The following SNX13 variants were observed in gnomAD, a reference collection of about 807,000 sequenced individuals.
The protein encoded by SNX13 is sorting nexin-13.
In SNX13, 45 loss-of-function variants were observed where a neutral mutation model predicts 133.6. The ratio of observed to expected loss-of-function variants is 0.34; its 90% CI spans 0.27 to 0.43. SNX13 has a LOEUF of 0.43. Among genes scored for constraint, SNX13 ranks in the 20% least tolerant of loss-of-function variants. SNX13 has a pLI of 1.00. For missense variants in SNX13, 1,032 were observed against 1,145.1 expected (o/e 0.90, Z 1.43); for synonymous variants, 414 against 373.9 (o/e 1.11, Z -1.24).
chr7:17,927,881 A>C (rs776840098), intron 1 of SNX13, among the ~76,000 whole-genome samples: 54 of 152,198 alleles, frequency 3.5e-4, no homozygotes, highest in Non-Finnish European at 6.0e-4. Flanking sequence ...TTCCACTCAC[A>C]AAGTGTTCCT....
At chr7:17,905,084 C>T (rs1798249432) in intron 1 of SNX13, among the ~76,000 whole-genome samples, 1 of 152,166 alleles carries the variant, frequency 6.6e-6, no homozygotes, top group Admixed American at 6.5e-5. Flanking sequence ...TCCTCAGTCT[C>T]ACCTGATGGC....
intron 15 of SNX13, chr7:17,830,249 T>G (rs1167747425): frequency 2.0e-6 from 2 of 982,848 alleles, no homozygotes; most frequent in East Asian, 2.3e-4. Context: ...GGCATTTAAG[T>G]GACAATATAG....
Position 17,816,161 on chromosome 7 carries a change from TTATAG to T in SNX13, c.1953+16_1953+20del. 2 of 1,514,736 alleles carry T rather than the reference TTATAG, an allele frequency of 1.3e-6. No homozygotes were observed. The highest frequency in any genetic ancestry group is 1.8e-6 in the Non-Finnish European group (2 of 1,130,482). The allele number at this position is 1,514,736 out of a possible 1,614,324, so 93.8% of individuals were successfully genotyped here. The stretch of plus-strand genomic sequence containing the variant: ...GCTATATTAAATGAAAATCTGTGGA[TTATAG>T]TAAACATGAGCTTACCTGCAAATAT... On this transcript the variant is annotated intron_variant, in intron 19 of 25. Transcript: ENST00000428135.
At chr7:17,868,583 A>G (rs1267822369) in intron 8 of SNX13, 93 bp from the exon 9 acceptor site, 3 of 956,838 alleles carry the variant, frequency 3.1e-6, no homozygotes, top group Non-Finnish European at 3.1e-6. Flanking sequence ...GTTACTTAAG[A>G]AAAGTATGAT....
rs1228909976 is a variant in SNX13 at position 17,897,426 on chromosome 7, T to A, written c.33A>T (p.Gly11=). 3.1e-6 allele frequency: 5 copies of A among 1,600,626 alleles called. No homozygotes were observed. Among genetic ancestry groups the A allele is most frequent in the Non-Finnish European group, 3.4e-6 (4 of 1,172,356 alleles). MLTEASLSIW[G]WGSLGIVLFL... The stretch of plus-strand genomic sequence containing the variant: ...AAAGGACAATGCCAAGGCTTCCCCA[T>A]CCCCATATGGATAGACTGGCCTGAA... Residue 11 remains glycine (G), a synonymous_variant, in exon 2 of 26, where the codon GGA becomes GGT. Transcript: ENST00000428135.
intron 1 of SNX13, among the ~76,000 whole-genome samples, chr7:17,915,792 T>C (rs974941153): frequency 6.6e-6 from 1 of 152,216 alleles, no homozygotes; most frequent in Non-Finnish European, 1.5e-5. Context: ...AATTTGACAC[T>C]TGACCAATTG....
At chr7:17,920,261 G>C (rs1007132215) in intron 1 of SNX13, among the ~76,000 whole-genome samples, 1 of 152,148 alleles carries the variant, frequency 6.6e-6, no homozygotes, top group African/African-American at 2.4e-5. Context: ...ATAATTATGT[G>C]AAAGTCTTGT....
At position 17,810,074 on chromosome 7, in the gene SNX13, G is replaced by A. The variant is rs941546898; in HGVS notation, c.2064+4760C>T. On this transcript the variant is annotated intron_variant, in intron 20 of 25. Coordinates refer to ENST00000428135, the MANE Select transcript of SNX13 (RefSeq NM_015132.5). The stretch of plus-strand genomic sequence containing the variant: ...AATTAAAAAAACTAGAGAAGCAAGA[G>A]CAAACAAATTCAAAAGCTAGCAGAA... Among the ~76,000 whole-genome samples, 13 of 152,090 alleles carry A rather than the reference G, an allele frequency of 8.5e-5. No homozygotes were observed. The East Asian group carries it at 2.3e-3, about 27-fold the overall frequency.
chr7:17,814,328 T>TA (rs948063097), intron 20 of SNX13, among the ~76,000 whole-genome samples: 26 of 152,154 alleles, frequency 1.7e-4, no homozygotes, highest in Admixed American at 1.7e-3. Context: ...CTTGTGTTCT[T>TA]ACCCACTAAG....
At chr7:17,918,370 CA>C (rs1199119233) in intron 1 of SNX13, among the ~76,000 whole-genome samples, 1 of 151,320 alleles carries the variant, frequency 6.6e-6, no homozygotes, top group Admixed American at 6.6e-5. Flanking sequence ...AAAACATTCG[CA>C]AACTATAAAT....
At chr7:17,935,213 C>T (rs541967088) in intron 1 of SNX13, among the ~76,000 whole-genome samples, 10 of 152,162 alleles carry the variant, frequency 6.6e-5, no homozygotes, top group Non-Finnish European at 1.3e-4. Flanking sequence ...CTGTCACTTG[C>T]TACAACATGA....
At chr7:17,906,812 C>T (rs915740528) in intron 1 of SNX13, among the ~76,000 whole-genome samples, 6 of 152,072 alleles carry the variant, frequency 3.9e-5, no homozygotes, top group Non-Finnish European at 5.9e-5. Flanking sequence ...AAGGTCAGTT[C>T]CAATTACCTC....
chr7:17,830,964 A>G (rs1294367861), intron 15 of SNX13: 2 of 984,318 alleles, frequency 2.0e-6, no homozygotes. Flanking sequence ...TTGGTTCTTC[A>G]GCCCTCTGGT....
chr7:17,901,744 C>T (rs1250912253), intron 1 of SNX13, among the ~76,000 whole-genome samples: 1 of 152,148 alleles, frequency 6.6e-6, no homozygotes, highest in Non-Finnish European at 1.5e-5. Flanking sequence ...GTGCCTCTTG[C>T]AGCAATATGA....
rs1345911394 is a variant in SNX13, at chr7:17,794,110, T to C, written c.2809A>G (p.Lys937Glu). 5.6e-6 allele frequency: 9 copies of C among 1,611,668 alleles called. No homozygotes were observed. Among genetic ancestry groups the C allele is most frequent in the South Asian group, 1.1e-5 (1 of 91,006 alleles). ...ELFNKLHSRS[K>E]QMQKYKQKLQ... Reference sequence around the variant, plus strand: ...TTCTGTTTATATTTCTGCATCTGCTTTGACCGTGAATGCAGTTTGTTGAAA... The same window carrying C: ...TTCTGTTTATATTTCTGCATCTGCTCTGACCGTGAATGCAGTTTGTTGAAA... Residue 937 changes from lysine (K) to glutamate (E), a missense_variant, in exon 26 of 26, where the codon AAG becomes GAG. Lys to Glu is a moderately conservative substitution (Grantham distance 56, BLOSUM62 1). Transcript: ENST00000428135.
intron 1 of SNX13, among the ~76,000 whole-genome samples, chr7:17,939,944 G>C (rs1210564350): frequency 6.6e-6 from 1 of 152,158 alleles, no homozygotes; most frequent in Non-Finnish European, 1.5e-5. Flanking sequence ...CAGCAGTAAC[G>C]TGGAAAGGCC....
rs562028049 is a variant in SNX13, at chr7:17,926,383, T to C, written c.12+13901A>G. Reference sequence around the variant, plus strand: ...TTCTGGCTTAAAAAAAGGTAAATTGTTGTACTATCTAGGGCTGGGAAAGGT... The same window carrying C: ...TTCTGGCTTAAAAAAAGGTAAATTGCTGTACTATCTAGGGCTGGGAAAGGT... On this transcript the variant is annotated intron_variant, in intron 1 of 25. Transcript: ENST00000428135. Among the ~76,000 whole-genome samples, 4 of 152,240 alleles carry C rather than the reference T, an allele frequency of 2.6e-5. No homozygotes were observed. The East Asian group carries it at 7.7e-4, about 29-fold the overall frequency.
intron 1 of SNX13, among the ~76,000 whole-genome samples, chr7:17,937,832 T>C: frequency 6.6e-6 from 1 of 152,210 alleles, no homozygotes; most frequent in East Asian, 1.9e-4. Flanking sequence ...AATGGGGATA[T>C]CACCTACCTC....
chr7:17,809,011 T>G, intron 20 of SNX13, among the ~76,000 whole-genome samples: 1 of 152,028 alleles, frequency 6.6e-6, no homozygotes, highest in Non-Finnish European at 1.5e-5. Flanking sequence ...CATGCCAAAT[T>G]GTAAAGACCA....
Sources: allele counts gnomAD v4.1 joint callset (sites outside exome capture counted in the v4.1 genomes callset), GRCh38; gene constraint gnomAD v4.1.1; transcripts MANE v1.5; gene names NCBI Gene and HGNC (gene_info 2026-07-23, HGNC 2026-07-21).